Variants in SDK1 observed in about 807,000 individuals in gnomAD.
SDK1 encodes protein sidekick-1.
SDK1 carries 157 observed loss-of-function variants against 245.5 expected under a neutral mutation model. That is an observed-to-expected ratio of 0.64 (90% CI 0.56 to 0.73). The LOEUF is 0.73. Among genes scored for constraint, SDK1 ranks in the 30% least tolerant of loss-of-function variants. SDK1 has a pLI of 0.00. For missense variants in SDK1, 3,583 were observed against 3,002.3 expected (o/e 1.19, Z -4.52); for synonymous variants, 1,647 against 1,278.5 (o/e 1.29, Z -6.15).
At chr7:3,975,470 A>G (rs1480115508) in intron 13 of SDK1, among the ~76,000 whole-genome samples, 1 of 152,124 alleles carries the variant, frequency 6.6e-6, no homozygotes, top group Non-Finnish European at 1.5e-5. Flanking sequence ...ATTCAAAATC[A>G]TTCCCCACAA....
intron 5 of SDK1, among the ~76,000 whole-genome samples, chr7:3,841,077 G>T (rs1022386731): frequency 5.1e-4 from 78 of 152,306 alleles, no homozygotes; most frequent in African/African-American, 1.8e-3. Context: ...CAATCCCAGG[G>T]ATGCCCGTTT....
chr7:3,892,964 G>C (rs1184740163), intron 5 of SDK1, among the ~76,000 whole-genome samples: 1 of 152,162 alleles, frequency 6.6e-6, no homozygotes, highest in African/African-American at 2.4e-5. Context: ...CAGGGAACAG[G>C]CTGCCTTCCC....
chr7:3,869,921 T>A (rs1780917427), intron 5 of SDK1, among the ~76,000 whole-genome samples: 1 of 152,236 alleles, frequency 6.6e-6, no homozygotes, highest in Admixed American at 6.5e-5. Context: ...ATTATTTTAT[T>A]TGAAAGAAAT....
intron 1 of SDK1, among the ~76,000 whole-genome samples, chr7:3,480,033 G>A (rs997147209): frequency 5.3e-5 from 8 of 152,060 alleles, no homozygotes; most frequent in Admixed American, 2.6e-4. Context: ...CATCCCAATC[G>A]TCAGAACCTG....
Position 4,163,974 on chromosome 7 carries a change from A to G in SDK1, c.4800+2118A>G, listed in dbSNP as rs1045882207. On this transcript the variant is annotated intron_variant, in intron 32 of 44. Coordinates refer to ENST00000404826, the MANE Select transcript of SDK1 (RefSeq NM_152744.4). ...AGCTGGGTTCTGTGAAGAGTGTGTC[A>G]TCTCCTTCAAGTGTCCATGGAGGTG... is the stretch of plus-strand genomic sequence containing the variant. Among the ~76,000 whole-genome samples the G allele has an allele frequency of 6.6e-5, 10 of 152,260 alleles. No homozygotes were observed. The East Asian group carries it at 1.4e-3, about 21-fold the overall frequency.
intron 5 of SDK1, among the ~76,000 whole-genome samples, chr7:3,827,246 T>A (rs1032544312): frequency 1.2e-4 from 18 of 152,256 alleles, no homozygotes; most frequent in African/African-American, 4.3e-4. Flanking sequence ...ACATATAGAT[T>A]TCCAAGGCGT....
intron 4 of SDK1, among the ~76,000 whole-genome samples, chr7:3,784,434 A>G (rs1780839985): frequency 6.6e-6 from 1 of 152,148 alleles, no homozygotes; most frequent in African/African-American, 2.4e-5. Flanking sequence ...CTACAGAGTA[A>G]GAAAAAATAT....
chr7:3,411,250 G>A (rs1779191292), intron 1 of SDK1, among the ~76,000 whole-genome samples: 1 of 152,134 alleles, frequency 6.6e-6, no homozygotes, highest in Admixed American at 6.5e-5. Flanking sequence ...GCTTCCAAAA[G>A]TACATAAGGG....
At chr7:3,636,177 T>C (rs1269959359) in intron 2 of SDK1, among the ~76,000 whole-genome samples, 1 of 152,156 alleles carries the variant, frequency 6.6e-6, no homozygotes, top group East Asian at 1.9e-4. Context: ...CTCCATCACC[T>C]CCAGAAGTTT....
chr7:3,622,193 G>T (rs1260896567), intron 2 of SDK1, among the ~76,000 whole-genome samples: 1 of 151,982 alleles, frequency 6.6e-6, no homozygotes, highest in African/African-American at 2.4e-5. Context: ...AAACAATTTT[G>T]TAGGCCCGGC....
chr7:3,633,373 T>C (rs1350094909), intron 2 of SDK1, among the ~76,000 whole-genome samples: 2 of 152,178 alleles, frequency 1.3e-5, no homozygotes, highest in East Asian at 1.9e-4. Context: ...GCACTGACGC[T>C]GTGGTTTTGG....
chr7:3,326,123 T>A (rs1424117306), intron 1 of SDK1, among the ~76,000 whole-genome samples: 3 of 152,168 alleles, frequency 2.0e-5, no homozygotes, highest in Admixed American at 2.0e-4. Context: ...GCTTAGTGTT[T>A]ATAAAAATGA....
At chr7:4,261,633 AGAGTCAGGATAGCTG>A (rs1377126254) in intron 44 of SDK1, among the ~76,000 whole-genome samples, 1 of 152,204 alleles carries the variant, frequency 6.6e-6, no homozygotes, top group African/African-American at 2.4e-5. Flanking sequence ...ACAGACCCAC[AGAGTCAGGATAGCTG>A]GAGCCACTCC....
intron 22 of SDK1, among the ~76,000 whole-genome samples, chr7:4,097,172 C>T (rs1782205265): frequency 6.7e-6 from 1 of 149,764 alleles, no homozygotes; most frequent in East Asian, 1.9e-4. Flanking sequence ...CCTGTTCCTG[C>T]CCCACCCCAC....
At chr7:4,172,413 C>A (rs547063926) in intron 32 of SDK1, among the ~76,000 whole-genome samples, 1 of 152,320 alleles carries the variant, frequency 6.6e-6, no homozygotes, top group Admixed American at 6.5e-5. Flanking sequence ...ACTATCCAAG[C>A]CATTCTGTCG....
chr7:3,880,672 A>T (rs1204519982), intron 5 of SDK1, among the ~76,000 whole-genome samples: 2 of 148,166 alleles, frequency 1.3e-5, no homozygotes, highest in Non-Finnish European at 3.0e-5. Context: ...TCCCGCTCTT[A>T]CTTGGTTTTC....
chr7:4,230,455 A>C (rs2128235117), intron 40 of SDK1, among the ~76,000 whole-genome samples: 1 of 107,496 alleles, frequency 9.3e-6, no homozygotes, highest in African/African-American at 3.6e-5. Context: ...AGGAGAGGGA[A>C]GGGGAGTGGA....
chr7:4,059,268 G>A (rs1018079322), intron 19 of SDK1, among the ~76,000 whole-genome samples: 1 of 152,124 alleles, frequency 6.6e-6, no homozygotes, highest in African/African-American at 2.4e-5. Flanking sequence ...GAGATTTTGT[G>A]CAAACAGAAA....
chr7:3,595,274 G>A (rs1030167921), intron 1 of SDK1, among the ~76,000 whole-genome samples: 18 of 151,162 alleles, frequency 1.2e-4, no homozygotes, highest in African/African-American at 2.7e-4. Flanking sequence ...TACCCTATTC[G>A]TAACTTTATG....
Sources: allele counts gnomAD v4.1 joint callset (sites outside exome capture counted in the v4.1 genomes callset), GRCh38; gene constraint gnomAD v4.1.1; transcripts MANE v1.5; gene names NCBI Gene and HGNC (gene_info 2026-07-23, HGNC 2026-07-21).